FHIT: variants seen among roughly 807,000 people sequenced by gnomAD.
FHIT encodes the protein bis(5'-adenosyl)-triphosphatase.
A neutral mutation model predicts 17.9 loss-of-function variants in FHIT; 19 were observed. The ratio of observed to expected loss-of-function variants is 1.06; its 90% CI spans 0.74 to 1.56. The LOEUF (loss-of-function observed/expected upper bound fraction) is 1.56, where lower values mean the gene tolerates loss of function less well. FHIT is among the 40% of genes most tolerant of loss of function. The pLI, the probability that FHIT is intolerant of heterozygous loss-of-function variation, is 0.00. For missense variants in FHIT, 248 were observed against 189.2 expected, an observed-to-expected ratio of 1.31 and a Z score of -1.82; for synonymous variants, 81 against 69.7, an observed-to-expected ratio of 1.16 and a Z score of -0.81.
chr3:60,498,082 T>C (rs560495401), intron 5 of FHIT, among the ~76,000 whole-genome samples: 11 of 152,314 alleles, frequency 7.2e-5, no homozygotes, highest in African/African-American at 2.6e-4. Flanking sequence ...TGTGGCTGTG[T>C]TCCAATAAAC....
intron 5 of FHIT, among the ~76,000 whole-genome samples, chr3:60,206,574 T>C (rs1187555333): frequency 6.6e-6 from 1 of 152,080 alleles, no homozygotes; most frequent in Non-Finnish European, 1.5e-5. Flanking sequence ...CTCTAAGGCA[T>C]GAAAGAGGCA....
intron 4 of FHIT, among the ~76,000 whole-genome samples, chr3:60,645,697 C>T (rs766909135): frequency 1.3e-5 from 2 of 152,150 alleles, no homozygotes; most frequent in African/African-American, 2.4e-5. Context: ...ACAATACAAC[C>T]ATTCTAACAT....
At chr3:60,356,065 T>C (rs1178697142) in intron 5 of FHIT, among the ~76,000 whole-genome samples, 1 of 152,218 alleles carries the variant, frequency 6.6e-6, no homozygotes, top group African/African-American at 2.4e-5. Flanking sequence ...GTTCACACTG[T>C]ACCAGAGAAA....
chr3:59,976,742 A>G (rs1177534103), intron 7 of FHIT, among the ~76,000 whole-genome samples: 1 of 152,092 alleles, frequency 6.6e-6, no homozygotes, highest in Non-Finnish European at 1.5e-5. Context: ...TACAAGGGAG[A>G]TGATATTCAG....
chr3:60,600,795 T>G (rs1186609648), intron 4 of FHIT, among the ~76,000 whole-genome samples: 1 of 152,220 alleles, frequency 6.6e-6, no homozygotes, highest in Non-Finnish European at 1.5e-5. Flanking sequence ...CATGTCCTTT[T>G]GAGACCTTAT....
chr3:60,439,781 C>T (rs78801030), intron 5 of FHIT, among the ~76,000 whole-genome samples: 1,841 of 152,168 alleles, frequency 0.012, 19 homozygotes, highest in East Asian at 0.029. Flanking sequence ...CATTTTAGAA[C>T]GGAAGGAATA....
At chr3:60,125,901 T>A (rs1028159158) in intron 5 of FHIT, among the ~76,000 whole-genome samples, 1 of 152,184 alleles carries the variant, frequency 6.6e-6, no homozygotes, top group East Asian at 1.9e-4. Context: ...AACAGTTTAT[T>A]GAGAGGCCTC....
chr3:59,752,036 G>A, intron 9 of FHIT, 185 bp downstream of exon 9: 1 of 478,026 alleles, frequency 2.1e-6, no homozygotes, highest in Non-Finnish European at 3.7e-6. Flanking sequence ...AGAGTTGGAA[G>A]AGACTGGGAG....
chr3:60,464,281 T>G (rs1234258856), intron 5 of FHIT, among the ~76,000 whole-genome samples: 1 of 152,136 alleles, frequency 6.6e-6, no homozygotes, highest in Non-Finnish European at 1.5e-5. Context: ...CAAGGGATAT[T>G]TTGATGCAGG....
intron 4 of FHIT, among the ~76,000 whole-genome samples, chr3:60,722,497 C>G (rs2041828566): frequency 6.6e-6 from 1 of 152,110 alleles, no homozygotes; most frequent in Non-Finnish European, 1.5e-5. Context: ...ATTTCTCAAC[C>G]TTGGCACTGT....
At chr3:59,959,061 C>T (rs1199930628) in intron 7 of FHIT, among the ~76,000 whole-genome samples, 1 of 152,168 alleles carries the variant, frequency 6.6e-6, no homozygotes, top group African/African-American at 2.4e-5. Flanking sequence ...CCTCCAGGGT[C>T]CTCTCCCCTG....
At chr3:60,528,664 T>A (rs536797635) in intron 5 of FHIT, among the ~76,000 whole-genome samples, 57 of 152,318 alleles carry the variant, frequency 3.7e-4, no homozygotes, top group African/African-American at 1.3e-3. Context: ...TAAAGGAGCT[T>A]CTTCCATCTG....
intron 8 of FHIT, among the ~76,000 whole-genome samples, chr3:59,889,883 C>T (rs757957855): frequency 6.6e-6 from 1 of 152,086 alleles, no homozygotes; most frequent in Non-Finnish European, 1.5e-5. Flanking sequence ...TCTTTTCTTC[C>T]TTCTTTTCTT....
At chr3:60,374,388 T>C (rs1700456000) in intron 5 of FHIT, among the ~76,000 whole-genome samples, 1 of 152,006 alleles carries the variant, frequency 6.6e-6, no homozygotes, top group African/African-American at 2.4e-5. Context: ...CCGCTGCTAA[T>C]GCAATTCTGT....
At chr3:59,825,731 G>A (rs689498) in intron 8 of FHIT, among the ~76,000 whole-genome samples, 3,850 of 152,254 alleles carry the variant, frequency 0.025, 61 homozygotes, top group Middle Eastern at 0.061. Context: ...GTCTTGGGTG[G>A]AGAAGGGAAA....
chr3:60,358,081 T>C (rs1362055801), intron 5 of FHIT, among the ~76,000 whole-genome samples: 1 of 152,226 alleles, frequency 6.6e-6, no homozygotes, highest in Non-Finnish European at 1.5e-5. Flanking sequence ...TCCAGCTGTC[T>C]GGAGAACCAC....
In FHIT at chr3:60,569,734, T is replaced by TATATATATATATATATATATAC. The variant is rs1553654737; in HGVS notation, c.-17-32756_-17-32755insGTATATATATATATATATATAT. Among the ~76,000 whole-genome samples the TATATATATATATATATATATAC allele has an allele frequency of 7.7e-3, 341 of 44,028 alleles. 3 individuals carry two copies. The highest frequency in any genetic ancestry group is 0.011 in the Non-Finnish European group (268 of 24,328). 28.9% of individuals were successfully genotyped at this position (44,028 alleles called of 152,430 possible). A position where few individuals can be genotyped will look rare whatever the true frequency, so the allele number is the denominator to read the frequency against. On this transcript the variant is annotated intron_variant, in intron 4 of 9. Coordinates refer to ENST00000492590, the MANE Select transcript of FHIT (RefSeq NM_002012.4). ...TATTTATTTATTAATACTATATATA[T>TATATATATATATATATATATAC]ATATATATATATATATATATATTTT...
intron 8 of FHIT, among the ~76,000 whole-genome samples, chr3:59,759,351 G>C (rs907831389): frequency 4.6e-5 from 7 of 152,138 alleles, no homozygotes; most frequent in African/African-American, 1.7e-4. Context: ...TGAATTAAAG[G>C]GAGAAAGTGA....
chr3:61,039,768 G>C (rs900779355), intron 3 of FHIT, among the ~76,000 whole-genome samples: 2 of 152,120 alleles, frequency 1.3e-5, no homozygotes, highest in Non-Finnish European at 2.9e-5. Flanking sequence ...GGGTTGATGG[G>C]TGTAGCACCC....
Sources: allele counts gnomAD v4.1 joint callset (sites outside exome capture counted in the v4.1 genomes callset), GRCh38; gene constraint gnomAD v4.1.1; transcripts MANE v1.5; gene names NCBI Gene and HGNC (gene_info 2026-07-23, HGNC 2026-07-21).